WNT3: variants seen among roughly 807,000 people sequenced by gnomAD.
WNT3 encodes the protein proto-oncogene Wnt-3.
WNT3 carries 7 observed loss-of-function variants against 34.2 expected under a neutral mutation model. The observed-to-expected ratio is 0.20, with a 90% confidence interval of 0.12 to 0.38. The LOEUF (loss-of-function observed/expected upper bound fraction) is 0.38, where lower values mean the gene tolerates loss of function less well. WNT3 is among the 10% of genes least tolerant of loss of function. WNT3 has a pLI of 1.00. For synonymous variants in WNT3, 212 were observed against 211.5 expected (o/e 1.00, Z -0.02); for missense variants, 267 against 499.8 (o/e 0.53, Z 4.44).
At chr17:46,771,186 A>G (rs2059365041) in intron 2 of WNT3, among the ~76,000 whole-genome samples, 1 of 152,076 alleles carries the variant, frequency 6.6e-6, no homozygotes, top group Admixed American at 6.5e-5. Flanking sequence ...ACTTCCAACG[A>G]CGGGAGGGCG....
chr17:46,771,467 G>C (rs1246414092), intron 2 of WNT3, among the ~76,000 whole-genome samples: 1 of 149,818 alleles, frequency 6.7e-6, no homozygotes, highest in African/African-American at 2.4e-5. Flanking sequence ...GCCCCGGGCC[G>C]CGCTGGGTTC....
At position 46,776,001 on chromosome 17, in the gene WNT3, C is replaced by T. The variant is rs2059409388; in HGVS notation, c.81-2092G>A. 2.6e-5 allele frequency among the ~76,000 whole-genome samples: 4 copies of T among 152,208 alleles called. No individual in the cohort carries two copies. The South Asian group carries it at 8.3e-4, about 32-fold the overall frequency. ...CAGAGGCTTTTCCTTGGGTTTGCCT[C>T]ATTTAATCCTCAAAATAGCCCCAGC... On this transcript the variant is annotated intron_variant, in intron 1 of 4. Coordinates refer to ENST00000225512, the MANE Select transcript of WNT3 (RefSeq NM_030753.5).
intron 1 of WNT3, among the ~76,000 whole-genome samples, chr17:46,798,926 T>G (rs929769186): frequency 6.6e-6 from 1 of 151,668 alleles, no homozygotes; most frequent in Admixed American, 6.6e-5. Flanking sequence ...TGCGTGCCTG[T>G]AGTCCCAGCT....
At chr17:46,767,576 C>A (rs1332472710) in intron 4 of WNT3, among the ~76,000 whole-genome samples, 3 of 152,216 alleles carry the variant, frequency 2.0e-5, no homozygotes, top group Non-Finnish European at 2.9e-5. Flanking sequence ...AAGCTGAGGC[C>A]CAGAAAAGTG....
intron 1 of WNT3, among the ~76,000 whole-genome samples, chr17:46,811,386 G>GTGAC (rs556687486): frequency 1.1e-3 from 164 of 152,306 alleles, no homozygotes; most frequent in African/African-American, 3.8e-3. Flanking sequence ...CGGCATTGGG[G>GTGAC]TGACTCTCTG....
chr17:46,784,345 C>A (rs1417140588), intron 1 of WNT3, among the ~76,000 whole-genome samples: 1 of 152,132 alleles, frequency 6.6e-6, no homozygotes, highest in Admixed American at 6.5e-5. Context: ...CTTCCAGGCA[C>A]CACGTAGAGA....
chr17:46,780,100 G>A (rs2059447658), intron 1 of WNT3, among the ~76,000 whole-genome samples: 1 of 152,192 alleles, frequency 6.6e-6, no homozygotes. Context: ...GTGAATTCAG[G>A]TCAGCCTGGA....
intron 1 of WNT3, among the ~76,000 whole-genome samples, chr17:46,788,698 A>T (rs1394893063): frequency 6.6e-6 from 1 of 152,102 alleles, no homozygotes; most frequent in African/African-American, 2.4e-5. Context: ...ACTCGTTTCC[A>T]TGTAGAATCT....
At chr17:46,771,705 G>T (rs1484782610) in intron 2 of WNT3, among the ~76,000 whole-genome samples, 1 of 143,162 alleles carries the variant, frequency 7.0e-6, no homozygotes, top group Non-Finnish European at 1.6e-5. Flanking sequence ...GCCGGGCCGC[G>T]CCCCCGGCCC....
At chr17:46,808,892 G>T (rs2084232624) in intron 1 of WNT3, among the ~76,000 whole-genome samples, 1 of 152,074 alleles carries the variant, frequency 6.6e-6, no homozygotes, top group Non-Finnish European at 1.5e-5. Flanking sequence ...TCAGGTCGAG[G>T]GGCCCATCCA....
intron 1 of WNT3, among the ~76,000 whole-genome samples, chr17:46,803,048 A>G (rs981503560): frequency 6.6e-6 from 1 of 152,250 alleles, no homozygotes; most frequent in Middle Eastern, 3.4e-3. Flanking sequence ...AACCTATGGG[A>G]TCAGATGCTA....
At chr17:46,771,311 C>G (rs2059366740) in intron 2 of WNT3, among the ~76,000 whole-genome samples, 1 of 152,110 alleles carries the variant, frequency 6.6e-6, no homozygotes, top group Admixed American at 6.5e-5. Flanking sequence ...GCCTCGGGGT[C>G]CCAGCCGCGC....
intron 1 of WNT3, among the ~76,000 whole-genome samples, chr17:46,788,531 C>T (rs1229844301): frequency 6.6e-6 from 1 of 152,194 alleles, no homozygotes; most frequent in Non-Finnish European, 1.5e-5. Context: ...CTCAAGGTCC[C>T]ATGTTTAAAT....
intron 4 of WNT3, among the ~76,000 whole-genome samples, chr17:46,767,506 C>A (rs879429311): frequency 9.2e-5 from 14 of 152,116 alleles, no homozygotes; most frequent in Non-Finnish European, 1.9e-4. Flanking sequence ...TTTTGGCTCG[C>A]TGCTTGAGGT....
chr17:46,801,774 G>A (rs543045632), intron 1 of WNT3, among the ~76,000 whole-genome samples: 1 of 152,234 alleles, frequency 6.6e-6, no homozygotes, highest in Non-Finnish European at 1.5e-5. Flanking sequence ...CCACAGCTGT[G>A]AGGGAGGGCA....
intron 2 of WNT3, among the ~76,000 whole-genome samples, chr17:46,770,504 G>A (rs1007070793): frequency 2.0e-5 from 3 of 152,032 alleles, no homozygotes; most frequent in Non-Finnish European, 4.4e-5. Context: ...GGAATCTACA[G>A]CCTAAACCTG....
At chr17:46,765,434 CAAAAAGCTACA>C (rs2059303831) in intron 4 of WNT3, among the ~76,000 whole-genome samples, 1 of 152,242 alleles carries the variant, frequency 6.6e-6, no homozygotes, top group Admixed American at 6.5e-5. Flanking sequence ...GTAAAAGCTA[CAAAAAGCTACA>C]GAAAAGGTGT....
At chr17:46,764,998 A>C (rs2059300673) in intron 4 of WNT3, among the ~76,000 whole-genome samples, 1 of 152,246 alleles carries the variant, frequency 6.6e-6, no homozygotes, top group South Asian at 2.1e-4. Flanking sequence ...CACGCCAGGC[A>C]TGCACTGTGT....
At chr17:46,764,853 G>A (rs150925039) in intron 4 of WNT3, among the ~76,000 whole-genome samples, 78 of 152,294 alleles carry the variant, frequency 5.1e-4, no homozygotes, top group Middle Eastern at 6.8e-3. Context: ...GAATGGGATC[G>A]AAATTCTACC....
Sources: gnomAD v4.1 joint callset for allele counts (sites outside exome capture counted in the v4.1 genomes callset) on GRCh38, gnomAD v4.1.1 for gene constraint, MANE v1.5 for transcripts, NCBI Gene and HGNC (gene_info 2026-07-23, HGNC 2026-07-21) for gene names.